TSPAN15: variants seen among roughly 807,000 people sequenced by gnomAD.
The protein encoded by TSPAN15 is tetraspanin-15.
A neutral mutation model predicts 34.5 loss-of-function variants in TSPAN15; 20 were observed. The ratio of observed to expected loss-of-function variants is 0.58; its 90% CI spans 0.41 to 0.84. TSPAN15 has a LOEUF of 0.84. Ranked by LOEUF, TSPAN15 falls within the 40% of genes least tolerant of loss-of-function variation. The probability of loss-of-function intolerance (pLI) is 0.00; values close to 1 mark genes in which losing one functional copy is unlikely to be tolerated. For missense variants in TSPAN15, 313 were observed against 386.1 expected, an observed-to-expected ratio of 0.81 and a Z score of 1.59; for synonymous variants, 155 against 153.9, an observed-to-expected ratio of 1.01 and a Z score of -0.05.
chr10:69,474,496 G>C (rs1841573620), intron 1 of TSPAN15, among the ~76,000 whole-genome samples: 1 of 152,164 alleles, frequency 6.6e-6, no homozygotes, highest in Non-Finnish European at 1.5e-5. Context: ...TCCTTTCAAA[G>C]GGTCTGAGAG....
chr10:69,507,651 G>GTTTTTTTTT (rs398014021), exon 8 of TSPAN15: 19 of 1,012,184 alleles, frequency 1.9e-5, no homozygotes, highest in East Asian at 2.5e-4. Context: ...ATAAAAACAT[G>GTTTTTTTTT]TTTTTTTTTT....
chr10:69,475,709 T>C (rs1841601027), intron 1 of TSPAN15, among the ~76,000 whole-genome samples: 1 of 152,164 alleles, frequency 6.6e-6, no homozygotes, highest in African/African-American at 2.4e-5. Context: ...TCTGCAACTA[T>C]TGCCAACAGG....
intron 5 of TSPAN15, among the ~76,000 whole-genome samples, chr10:69,501,322 A>G (rs1842203241): frequency 6.6e-6 from 1 of 152,204 alleles, no homozygotes. Flanking sequence ...GAATGAGAGC[A>G]CTGAGGTAGG....
At chr10:69,539,382 A>AGAAGAGGAAGAGGAAGAAGAG in the TSPAN15 span, among the ~76,000 whole-genome samples, 381 of 110,728 alleles carry the variant, frequency 3.4e-3, 26 homozygotes, top group Non-Finnish European at 6.1e-3. Context: ...AAATAGAAGA[A>AGAAGAGGAAGAGGAAGAAGAG]GAAGAGGAAG....
Position 69,485,106 on chromosome 10 carries a change from C to T in TSPAN15, c.283-35C>T, listed in dbSNP as rs115262322. 2,510 of 1,602,930 alleles carry T rather than the reference C, an allele frequency of 1.6e-3. 24 individuals carry two copies. In the African/African-American group the frequency reaches 0.028, roughly 18 times the overall value. Reference sequence around the variant, plus strand: ...CTGTACCCCACACACGCCCACTGCTCCTCTCCAGGTGAGTCTCTGAATTCT... The same window carrying T: ...CTGTACCCCACACACGCCCACTGCTTCTCTCCAGGTGAGTCTCTGAATTCT... On this transcript the variant is annotated intron_variant, in intron 2 of 7. Transcript: ENST00000373290.
At chr10:69,548,598 G>A in the TSPAN15 span, among the ~76,000 whole-genome samples, 1 of 152,234 alleles carries the variant, frequency 6.6e-6, no homozygotes, top group Admixed American at 6.5e-5. Flanking sequence ...CCCAAAGAGA[G>A]CCTGGTGGTC....
the TSPAN15 span, among the ~76,000 whole-genome samples, chr10:69,539,441 G>A: frequency 4.2e-3 from 274 of 65,360 alleles, 27 homozygotes; most frequent in African/African-American, 6.6e-3. Flanking sequence ...AGAAGAAGAA[G>A]GAAGAAGAAG....
chr10:69,492,827 G>A (rs1841996539), intron 3 of TSPAN15, among the ~76,000 whole-genome samples: 1 of 152,192 alleles, frequency 6.6e-6, no homozygotes, highest in Admixed American at 6.5e-5. Flanking sequence ...ACAGCACAGT[G>A]GCCAGTGGGG....
the TSPAN15 span, among the ~76,000 whole-genome samples, chr10:69,540,983 G>A: frequency 2.6e-5 from 4 of 152,136 alleles, no homozygotes; most frequent in Admixed American, 2.6e-4. Context: ...TCCAGGGTGT[G>A]GGCTGCTGAA....
intron 1 of TSPAN15, among the ~76,000 whole-genome samples, chr10:69,480,140 T>C (rs1841702072): frequency 6.6e-6 from 1 of 152,086 alleles, no homozygotes; most frequent in Non-Finnish European, 1.5e-5. Context: ...ACTGACTGCC[T>C]TTATGGAGAG....
intron 1 of TSPAN15, among the ~76,000 whole-genome samples, chr10:69,463,808 C>CAAAAAAA (rs56064605): frequency 8.5e-6 from 1 of 116,972 alleles, no homozygotes; most frequent in Non-Finnish European, 1.8e-5. Context: ...GACTCCGTCT[C>CAAAAAAA]AAAAAAAAAA....
At chr10:69,489,615 C>T (rs757209666) in intron 3 of TSPAN15, among the ~76,000 whole-genome samples, 3 of 152,172 alleles carry the variant, frequency 2.0e-5, no homozygotes, top group Non-Finnish European at 4.4e-5. Context: ...GGGTTCTCAG[C>T]GAGGTGCACA....
the TSPAN15 span, among the ~76,000 whole-genome samples, chr10:69,519,146 G>T: frequency 6.6e-6 from 1 of 152,262 alleles, no homozygotes; most frequent in Non-Finnish European, 1.5e-5. Flanking sequence ...GCTGGGCGCG[G>T]TGGCCCAGGC....
At chr10:69,457,468 T>C (rs1841138736) in intron 1 of TSPAN15, among the ~76,000 whole-genome samples, 1 of 152,138 alleles carries the variant, frequency 6.6e-6, no homozygotes, top group Non-Finnish European at 1.5e-5. Flanking sequence ...GGTAGGACTT[T>C]CAAGTGGGTA....
At chr10:69,537,584 G>A in the TSPAN15 span, among the ~76,000 whole-genome samples, 129 of 152,248 alleles carry the variant, frequency 8.5e-4, no homozygotes, top group African/African-American at 2.9e-3. Flanking sequence ...TTCACATGGC[G>A]TTTCCCCTTT....
At chr10:69,543,377 C>T in the TSPAN15 span, among the ~76,000 whole-genome samples, 17,819 of 152,236 alleles carry the variant, frequency 0.12, 1,456 homozygotes, top group East Asian at 0.42. Flanking sequence ...CCTCCCCTTC[C>T]TGAACCCATC....
intron 1 of TSPAN15, among the ~76,000 whole-genome samples, chr10:69,477,399 C>T (rs1407252138): frequency 6.6e-6 from 1 of 152,132 alleles, no homozygotes; most frequent in Non-Finnish European, 1.5e-5. Flanking sequence ...AGACATGAGC[C>T]ACTGCACCCG....
Position 69,506,389 on chromosome 10 carries a change from C to A in TSPAN15, c.735+149C>A. 1 of 697,508 alleles carries A rather than the reference C, an allele frequency of 1.4e-6. No individual in the cohort carries two copies. The allele number at this position is 697,508 out of a possible 1,614,324, so 43.2% of individuals were successfully genotyped here. ...CATGGCTGGAAGGAGGGGCAAATGG[C>A]AATAGCAGTCGTGGCGAAGCTCTTC... On this transcript the variant is annotated intron_variant, in intron 7 of 7. Transcript: ENST00000373290. The surrounding 1 kb of genome is among the most constrained non-coding windows in gnomAD (Gnocchi z 4.7).
the TSPAN15 span, among the ~76,000 whole-genome samples, chr10:69,543,459 GA>G: frequency 6.6e-6 from 1 of 152,208 alleles, no homozygotes; most frequent in African/African-American, 2.4e-5. Context: ...TCTATTTGTT[GA>G]GATAAGGTGT....
Sources: allele counts gnomAD v4.1 joint callset (sites outside exome capture counted in the v4.1 genomes callset), GRCh38; gene constraint gnomAD v4.1.1; non-coding constraint Gnocchi (gnomAD v3.1); transcripts MANE v1.5; gene names NCBI Gene and HGNC (gene_info 2026-07-23, HGNC 2026-07-21).